SEC24B: variants seen among roughly 807,000 people sequenced by gnomAD.
SEC24B encodes protein transport protein Sec24B.
A neutral mutation model predicts 142.8 loss-of-function variants in SEC24B; 45 were observed. The observed-to-expected ratio is 0.32, with a 90% CI of 0.25 to 0.40. The LOEUF is 0.40. Ranked by LOEUF, SEC24B falls within the 10% of genes least tolerant of loss-of-function variation. The pLI is 1.00. For synonymous variants in SEC24B, 574 were observed against 568.2 expected (o/e 1.01, Z -0.15); for missense variants, 1,409 against 1,526.8 (o/e 0.92, Z 1.29).
chr4:109,490,015 G>A (rs1342137999), intron 4 of SEC24B, among the ~76,000 whole-genome samples: 1 of 152,022 alleles, frequency 6.6e-6, no homozygotes, highest in Admixed American at 6.6e-5. Context: ...ATAAATATTA[G>A]TGTCTTCTAC....
At chr4:109,522,638 AGATCATTGTATAAC>A (rs1302219637) in intron 14 of SEC24B, among the ~76,000 whole-genome samples, 1 of 152,244 alleles carries the variant, frequency 6.6e-6, no homozygotes, top group Non-Finnish European at 1.5e-5. Context: ...AAGATAACAC[AGATCATTGTATAAC>A]ACTTGGAAAG....
At chr4:109,439,489 T>C (rs1219372109) in intron 1 of SEC24B, among the ~76,000 whole-genome samples, 1 of 79,176 alleles carries the variant, frequency 1.3e-5, no homozygotes, top group South Asian at 5.8e-4. Flanking sequence ...TTTTTTTTTT[T>C]TTTTTTTTTT....
At chr4:109,491,534 C>A in intron 5 of SEC24B, 127 bp downstream of exon 5, 1 of 629,878 alleles carries the variant, frequency 1.6e-6, no homozygotes, top group East Asian at 2.9e-5. Flanking sequence ...GGACATTTTT[C>A]TGGCACTTCT....
chr4:109,506,755 G>T (rs1736730638), intron 7 of SEC24B, among the ~76,000 whole-genome samples: 1 of 151,956 alleles, frequency 6.6e-6, no homozygotes, highest in Non-Finnish European at 1.5e-5. Flanking sequence ...TTTGAATGAA[G>T]GGTTTCAGGA....
intron 1 of SEC24B, among the ~76,000 whole-genome samples, chr4:109,439,445 G>GTCTGAAT (rs1491071324): frequency 8.9e-6 from 1 of 111,794 alleles, no homozygotes; most frequent in African/African-American, 3.9e-5. Context: ...AAGTGACTGT[G>GTCTGAAT]TCTGAATACA....
rs188652610 is a variant in SEC24B, at chr4:109,518,108, C to T, written c.2126+1468C>T. On this transcript the variant is annotated intron_variant, in intron 11 of 23. Coordinates refer to ENST00000265175, the MANE Select transcript of SEC24B (RefSeq NM_006323.5). ...TCAGCCTCCCAAATAGCTGGGATTA[C>T]AGGCACCCACCACCACACTAGGCTA... 3.3e-5 allele frequency among the ~76,000 whole-genome samples: 5 copies of T among 152,224 alleles called. No homozygotes were observed. In the East Asian group the frequency reaches 7.7e-4, roughly 23 times the overall value.
At chr4:109,440,031 A>G (rs1408292822) in intron 1 of SEC24B, among the ~76,000 whole-genome samples, 3 of 151,736 alleles carry the variant, frequency 2.0e-5, no homozygotes, top group Admixed American at 1.3e-4. Flanking sequence ...GAGGCAGGAG[A>G]ATCACTTGAA....
intron 20 of SEC24B, 127 bp from the exon 21 acceptor site, chr4:109,532,512 T>A: frequency 1.5e-6 from 1 of 679,224 alleles, no homozygotes. Flanking sequence ...ATAATCAGTA[T>A]TTTTTATATC....
At chr4:109,461,713 T>C (rs1731275425) in intron 1 of SEC24B, among the ~76,000 whole-genome samples, 1 of 152,228 alleles carries the variant, frequency 6.6e-6, no homozygotes, top group Non-Finnish European at 1.5e-5. Context: ...AAATAGGATA[T>C]AAGCTACTAG....
intron 6 of SEC24B, among the ~76,000 whole-genome samples, chr4:109,496,573 C>T (rs546466262): frequency 2.0e-5 from 3 of 152,252 alleles, no homozygotes; most frequent in African/African-American, 7.2e-5. Context: ...CTACTCAAGA[C>T]TAAAGTAGAA....
intron 2 of SEC24B, among the ~76,000 whole-genome samples, chr4:109,467,823 T>C (rs1240801416): frequency 3.3e-5 from 5 of 152,206 alleles, no homozygotes; most frequent in Non-Finnish European, 5.9e-5. Flanking sequence ...TATAAAACAG[T>C]AGTGCCTGAT....
intron 1 of SEC24B, among the ~76,000 whole-genome samples, chr4:109,444,639 G>A (rs1729270088): frequency 6.6e-6 from 1 of 152,126 alleles, no homozygotes; most frequent in East Asian, 1.9e-4. Context: ...GATATGTCCT[G>A]GGGGTAGATC....
At chr4:109,468,883 T>G (rs1326369078) in intron 2 of SEC24B, among the ~76,000 whole-genome samples, 2 of 152,162 alleles carry the variant, frequency 1.3e-5, no homozygotes, top group Admixed American at 1.3e-4. Context: ...AGGGCTTACT[T>G]TTACAGGATA....
intron 3 of SEC24B, among the ~76,000 whole-genome samples, chr4:109,481,324 A>G (rs1467393289): frequency 1.3e-5 from 2 of 152,200 alleles, no homozygotes; most frequent in Admixed American, 6.5e-5. Flanking sequence ...GCACAATCCC[A>G]AAGGAAATAT....
chr4:109,494,770 C>T lies in SEC24B; in HGVS notation c.1402C>T (p.Pro468Ser), dbSNP rs201875739. ...PFGYGYPTLQ[P>S]GYQNATAPLI... is the part of the protein sequence containing the mutation. ...TGGCTATGGCTATCCAACACTTCAG[C>T]CTGGTTATCAGAATGCTACAGCACC... The change falls in exon 6 of 24, where the codon CCT (proline) becomes TCT (serine). Residue 468 changes from proline (P) to serine (S), a missense_variant. By Grantham distance (74) the Pro-to-Ser change is moderately conservative. Around this residue, in one of 2 missense-constraint regions of SEC24B, gnomAD observed 709 missense variants for 673.5 expected, o/e 1.05. Coordinates refer to ENST00000265175, the MANE Select transcript of SEC24B (RefSeq NM_006323.5). 1.7e-4 allele frequency: 271 copies of T among 1,614,220 alleles called. 1 individual carries two copies. The African/African-American group carries it at 2.2e-3, about 13-fold the overall frequency.
intron 5 of SEC24B, among the ~76,000 whole-genome samples, chr4:109,492,662 G>T (rs1050431021): frequency 6.6e-6 from 1 of 152,160 alleles, no homozygotes; most frequent in Non-Finnish European, 1.5e-5. Flanking sequence ...TAAATGAATT[G>T]TAGGCCTACT....
intron 1 of SEC24B, among the ~76,000 whole-genome samples, chr4:109,457,887 A>G (rs1319225747): frequency 1.3e-5 from 2 of 152,150 alleles, no homozygotes; most frequent in African/African-American, 4.8e-5. Context: ...TCTTCCCCAG[A>G]TCTTTAACCT....
chr4:109,517,579 G>C lies in SEC24B; in HGVS notation c.2126+939G>C, dbSNP rs145788982. ...TATTGTATTCTTGGAGAAATGCTAA[G>C]AGATGAGAATTGTTGTGTTCTCACT... On this transcript the variant is annotated intron_variant, in intron 11 of 23. Transcript: ENST00000265175. Among the ~76,000 whole-genome samples, 586 of 152,280 alleles carry C rather than the reference G, an allele frequency of 3.8e-3. 1 individual carries two copies. Among genetic ancestry groups the C allele is most frequent in the Non-Finnish European group, 6.8e-3 (461 of 68,016 alleles).
intron 2 of SEC24B, among the ~76,000 whole-genome samples, chr4:109,470,626 A>C (rs1468305185): frequency 6.6e-6 from 1 of 152,264 alleles, no homozygotes; most frequent in Non-Finnish European, 1.5e-5. Flanking sequence ...GGAAACTTGC[A>C]CATCTATACC....
Sources: allele counts gnomAD v4.1 joint callset (sites outside exome capture counted in the v4.1 genomes callset), GRCh38; gene constraint gnomAD v4.1.1; regional missense constraint gnomAD v4.1.1; transcripts MANE v1.5; gene names NCBI Gene and HGNC (gene_info 2026-07-23, HGNC 2026-07-21).